EDIL3: variants seen among roughly 807,000 people sequenced by gnomAD.
The protein encoded by EDIL3 is EGF like and discoidin domains 3, also known as EGF-like repeat and discoidin I-like domain-containing protein 3.
A neutral mutation model predicts 67.4 loss-of-function variants in EDIL3; 37 were observed. The ratio of observed to expected loss-of-function variants is 0.55; its 90% CI spans 0.42 to 0.72. The LOEUF (loss-of-function observed/expected upper bound fraction) is 0.72, where lower values mean the gene tolerates loss of function less well. Ranked by LOEUF, EDIL3 falls within the 30% of genes least tolerant of loss-of-function variation. The probability of loss-of-function intolerance (pLI) is 0.00; values close to 1 mark genes in which losing one functional copy is unlikely to be tolerated. For missense variants in EDIL3, 527 were observed against 586.3 expected (o/e 0.90, Z 1.04); for synonymous variants, 195 against 196.3 (o/e 0.99, Z 0.05).
In EDIL3 at chr5:84,030,463, A is replaced by G. The variant is rs958113199; in HGVS notation, c.1137+29837T>C. ...GAGTTATTCTAAAAATGTCTTGTCT[A>G]CTAAGCAAAGCAATTTTCCAAGATA... On this transcript the variant is annotated intron_variant, in intron 9 of 10. Coordinates refer to ENST00000296591, the MANE Select transcript of EDIL3 (RefSeq NM_005711.5). Among the ~76,000 whole-genome samples, 3 of 151,088 alleles carry G rather than the reference A, an allele frequency of 2.0e-5. 1 individual carries two copies. The South Asian group carries it at 6.3e-4, about 32-fold the overall frequency.
chr5:84,230,763 A>ATGTGTGTGTGTGTG (rs59552122), intron 2 of EDIL3, among the ~76,000 whole-genome samples: 31,234 of 136,842 alleles, frequency 0.23, 3,854 homozygotes, highest in East Asian at 0.27. Context: ...CCACTACGTG[A>ATGTGTGTGTGTGTG]TGTGTGTGTG....
chr5:83,968,435 C>A (rs1744734380), intron 9 of EDIL3, among the ~76,000 whole-genome samples: 1 of 151,904 alleles, frequency 6.6e-6, no homozygotes, highest in African/African-American at 2.4e-5. Context: ...ATTAAAAATA[C>A]AATAACTAAA....
chr5:84,243,683 C>T, intron 2 of EDIL3, among the ~76,000 whole-genome samples: 1 of 152,122 alleles, frequency 6.6e-6, no homozygotes, highest in Non-Finnish European at 1.5e-5. Flanking sequence ...CGTAAGAAAA[C>T]AAATATCTTT....
intron 5 of EDIL3, among the ~76,000 whole-genome samples, chr5:84,121,991 A>G (rs1042608369): frequency 3.3e-5 from 5 of 151,968 alleles, no homozygotes; most frequent in Non-Finnish European, 7.4e-5. Context: ...ACAGCTGCTC[A>G]AAAACATCAT....
chr5:84,060,527 C>T (rs375966001), intron 8 of EDIL3, 43 bp from the exon 9 acceptor site: 1 of 1,604,256 alleles, frequency 6.2e-7, no homozygotes, highest in African/African-American at 1.3e-5. Context: ...AATAATTGAT[C>T]ACCTGGAACT....
chr5:83,982,827 A>G (rs1288811061), intron 9 of EDIL3, among the ~76,000 whole-genome samples: 1 of 152,132 alleles, frequency 6.6e-6, no homozygotes, highest in Non-Finnish European at 1.5e-5. Flanking sequence ...GTGACAGAAT[A>G]AAGATTTTCC....
intron 6 of EDIL3, among the ~76,000 whole-genome samples, 200 bp downstream of exon 6, chr5:84,106,449 T>G (rs1031560081): frequency 6.6e-6 from 1 of 152,132 alleles, no homozygotes; most frequent in African/African-American, 2.4e-5. Flanking sequence ...GTTTTTGATC[T>G]CTTTAACTAA....
intron 6 of EDIL3, among the ~76,000 whole-genome samples, chr5:84,072,063 AG>A (rs1251529601): frequency 6.6e-6 from 1 of 152,162 alleles, no homozygotes; most frequent in Non-Finnish European, 1.5e-5. Flanking sequence ...AAATTATCAG[AG>A]GAAAACACAG....
intron 1 of EDIL3, among the ~76,000 whole-genome samples, chr5:84,283,482 G>T (rs1226718806): frequency 6.6e-6 from 1 of 152,006 alleles, no homozygotes; most frequent in African/African-American, 2.4e-5. Flanking sequence ...GTGACTCTAG[G>T]TTTTCCTTCA....
At chr5:84,075,474 C>CTTA (rs1430062887) in intron 6 of EDIL3, among the ~76,000 whole-genome samples, 8 of 151,094 alleles carry the variant, frequency 5.3e-5, no homozygotes, top group African/African-American at 2.0e-4. Context: ...TCTTCTTCTT[C>CTTA]TTCTTCTTCT....
At chr5:84,093,182 T>C (rs1747197714) in intron 6 of EDIL3, among the ~76,000 whole-genome samples, 1 of 151,426 alleles carries the variant, frequency 6.6e-6, no homozygotes, top group Admixed American at 6.6e-5. Flanking sequence ...ATACTATCTT[T>C]CTCCTTTTTT....
At chr5:84,193,483 A>AAGTAGGCAG (rs568949855) in intron 3 of EDIL3, among the ~76,000 whole-genome samples, 68 of 152,068 alleles carry the variant, frequency 4.5e-4, no homozygotes, top group African/African-American at 1.5e-3. Context: ...AAGAGGTAAG[A>AAGTAGGCAG]AGTAGGCAGA....
chr5:83,948,189 A>G (rs1744346872), intron 10 of EDIL3, among the ~76,000 whole-genome samples: 1 of 151,614 alleles, frequency 6.6e-6, no homozygotes, highest in East Asian at 2.0e-4. Context: ...GGGTTTTCCA[A>G]TTTTTTTTAC....
rs373321784 is a variant in EDIL3 at position 83,967,235 on chromosome 5, G to T, written c.1138-3875C>A. ...ACTTGGGAGGTTGAGGTGGCAGGAGGGCTTGAGCCTGGGAGGTGGAGGTTT... is the reference window on the plus strand; with the variant it reads ...ACTTGGGAGGTTGAGGTGGCAGGAGTGCTTGAGCCTGGGAGGTGGAGGTTT... On this transcript the variant is annotated intron_variant, in intron 9 of 10. Transcript: ENST00000296591. Among the ~76,000 whole-genome samples the T allele has an allele frequency of 3.6e-4, 55 of 152,086 alleles. 1 individual carries two copies. The South Asian group carries it at 0.011, about 32-fold the overall frequency.
At chr5:83,998,998 T>C (rs754629077) in intron 9 of EDIL3, among the ~76,000 whole-genome samples, 3 of 152,106 alleles carry the variant, frequency 2.0e-5, no homozygotes, top group Admixed American at 2.0e-4. Context: ...TGGTAATCCA[T>C]AGAATTCTCC....
intron 3 of EDIL3, among the ~76,000 whole-genome samples, chr5:84,192,571 C>T (rs780853237): frequency 1.3e-5 from 2 of 151,880 alleles, no homozygotes; most frequent in African/African-American, 2.4e-5. Context: ...TATTTTTATT[C>T]CCTTCACAAG....
chr5:84,011,656 G>A (rs888901530), intron 9 of EDIL3, among the ~76,000 whole-genome samples: 4 of 152,094 alleles, frequency 2.6e-5, no homozygotes, highest in African/African-American at 4.8e-5. Context: ...GTCATCTACA[G>A]CATCTCTGAC....
intron 3 of EDIL3, among the ~76,000 whole-genome samples, chr5:84,212,738 C>T (rs753424418): frequency 5.3e-5 from 8 of 152,128 alleles, no homozygotes; most frequent in Non-Finnish European, 1.0e-4. Context: ...ATAAGCACAA[C>T]ATGTGTGACC....
At chr5:84,359,983 T>C (rs780301349) in intron 1 of EDIL3, among the ~76,000 whole-genome samples, 4 of 152,218 alleles carry the variant, frequency 2.6e-5, no homozygotes, top group African/African-American at 7.2e-5. Flanking sequence ...TAAAAATCTA[T>C]ATTCTCATAT....
Sources: allele counts gnomAD v4.1 joint callset (sites outside exome capture counted in the v4.1 genomes callset), GRCh38; gene constraint gnomAD v4.1.1; transcripts MANE v1.5; gene names NCBI Gene and HGNC (gene_info 2026-07-23, HGNC 2026-07-21).